The following NRF1 variants were observed in gnomAD, a reference collection of about 807,000 sequenced individuals.
NRF1 encodes the protein nuclear respiratory factor 1, also known as alpha palindromic-binding protein.
NRF1 carries 5 observed loss-of-function variants against 58.5 expected under a neutral mutation model. The observed-to-expected ratio is 0.09, with a 90% CI of 0.04 to 0.18. NRF1 has a LOEUF of 0.18. Ranked by LOEUF, NRF1 falls within the 10% of genes least tolerant of loss-of-function variation. The probability of loss-of-function intolerance (pLI) is 1.00; values close to 1 mark genes in which losing one functional copy is unlikely to be tolerated. For synonymous variants in NRF1, 224 were observed against 246.7 expected, an observed-to-expected ratio of 0.91 and a Z score of 0.86; for missense variants, 288 against 657.7, an observed-to-expected ratio of 0.44 and a Z score of 6.15.
chr7:129,718,090 G>C (rs1007310489), intron 9 of NRF1, among the ~76,000 whole-genome samples: 6 of 152,142 alleles, frequency 3.9e-5, no homozygotes, highest in African/African-American at 9.7e-5. Context: ...TGCTCCAAGA[G>C]GTGGTTTCTG....
At chr7:129,737,278 A>T (rs116791821) in intron 10 of NRF1, among the ~76,000 whole-genome samples, 3 of 152,232 alleles carry the variant, frequency 2.0e-5, no homozygotes, top group Non-Finnish European at 4.4e-5. Flanking sequence ...ACAAGGTGAC[A>T]TTGTTTAAAG....
At chr7:129,685,185 A>G (rs1003672927) in intron 4 of NRF1, among the ~76,000 whole-genome samples, 2 of 152,216 alleles carry the variant, frequency 1.3e-5, no homozygotes, top group African/African-American at 4.8e-5. Context: ...TCAGGAATAC[A>G]AAAAAATTAT....
rs10580617 is a variant in NRF1 at position 129,755,546 on chromosome 7, CAT to C, written c.*382_*383del. On this transcript the variant is annotated 3_prime_UTR_variant, in exon 11 of 11. Coordinates refer to ENST00000393232, the MANE Select transcript of NRF1 (RefSeq NM_005011.5). This position sits in a 1 kb window ranked among gnomAD's most constrained non-coding sequence, Gnocchi z 5.8. ...TACATATATATAAAGTATATATATA[CAT>C]ATATATATATATATATGTATGAAAC... 73,299 of 147,758 alleles carry C rather than the reference CAT, an allele frequency of 0.5. 18,134 individuals carry two copies. The highest frequency in any genetic ancestry group is 0.55 in the Admixed American group (8,058 of 14,742). 9.2% of individuals were successfully genotyped at this position (147,758 alleles called of 1,614,324 possible). A position where few individuals can be genotyped will look rare whatever the true frequency, so the allele number is the denominator to read the frequency against.
At chr7:129,713,465 T>C (rs1803122497) in intron 8 of NRF1, among the ~76,000 whole-genome samples, 1 of 152,242 alleles carries the variant, frequency 6.6e-6, no homozygotes, top group Admixed American at 6.5e-5. Flanking sequence ...CAGTTTTGAA[T>C]TGCATAACTC....
At chr7:129,678,042 A>G (rs899201703) in intron 4 of NRF1, among the ~76,000 whole-genome samples, 4 of 152,208 alleles carry the variant, frequency 2.6e-5, no homozygotes, top group East Asian at 3.8e-4. Flanking sequence ...TAGGAAACCA[A>G]TGCAGGATTT....
chr7:129,738,571 C>T (rs759574991), intron 10 of NRF1, among the ~76,000 whole-genome samples: 5 of 152,152 alleles, frequency 3.3e-5, no homozygotes, highest in Non-Finnish European at 5.9e-5. Context: ...TGTAATTTTG[C>T]CTTTTGGCTA....
intron 1 of NRF1, among the ~76,000 whole-genome samples, chr7:129,625,295 C>CT (rs1168714750): frequency 6.6e-6 from 1 of 152,142 alleles, no homozygotes; most frequent in East Asian, 1.9e-4. Flanking sequence ...AGTTACATCT[C>CT]TAAGGACGCT....
intron 1 of NRF1, among the ~76,000 whole-genome samples, chr7:129,614,443 T>TGTGTGTGTGTG (rs71527915): frequency 3.4e-5 from 5 of 145,746 alleles, no homozygotes; most frequent in African/African-American, 5.2e-5. Flanking sequence ...AAATATGTAT[T>TGTGTGTGTGTG]TGTGTGTGTG....
intron 1 of NRF1, among the ~76,000 whole-genome samples, chr7:129,649,640 C>T (rs1473165334): frequency 1.3e-5 from 2 of 152,162 alleles, no homozygotes; most frequent in African/African-American, 4.8e-5. Context: ...TCTGTGTTTT[C>T]TTCCACTAAC....
chr7:129,679,346 G>A (rs997832885), intron 4 of NRF1, among the ~76,000 whole-genome samples: 2 of 152,180 alleles, frequency 1.3e-5, no homozygotes, highest in African/African-American at 2.4e-5. Context: ...ACAACATGCA[G>A]AGTGGGAGAA....
chr7:129,717,189 T>C, intron 8 of NRF1, 30 bp from the exon 9 acceptor site: 2 of 1,552,586 alleles, frequency 1.3e-6, no homozygotes, highest in Non-Finnish European at 1.7e-6. Flanking sequence ...GTGGCTTTGT[T>C]TTTTTACTAT....
At chr7:129,733,081 G>C (rs539714594) in intron 10 of NRF1, among the ~76,000 whole-genome samples, 12 of 147,740 alleles carry the variant, frequency 8.1e-5, no homozygotes, top group South Asian at 4.3e-4. Flanking sequence ...ACAAACAAAA[G>C]GTTCATCTTT....
At chr7:129,649,994 C>T (rs560751850) in intron 1 of NRF1, among the ~76,000 whole-genome samples, 3 of 152,222 alleles carry the variant, frequency 2.0e-5, no homozygotes. Flanking sequence ...CATAAGCAAT[C>T]CTCCCACCTT....
At chr7:129,672,590 A>G (rs1802072777) in intron 3 of NRF1, among the ~76,000 whole-genome samples, 1 of 152,182 alleles carries the variant, frequency 6.6e-6, no homozygotes, top group Non-Finnish European at 1.5e-5. Flanking sequence ...CATGGATAGT[A>G]AGAAGTGATC....
chr7:129,618,750 G>A (rs1376728530), intron 1 of NRF1, among the ~76,000 whole-genome samples: 2 of 152,072 alleles, frequency 1.3e-5, no homozygotes, highest in African/African-American at 2.4e-5. Context: ...AAATGCTTAG[G>A]ACCAGAAATG....
chr7:129,696,557 A>G (rs931204410), intron 5 of NRF1, among the ~76,000 whole-genome samples: 3 of 152,242 alleles, frequency 2.0e-5, no homozygotes, highest in African/African-American at 7.2e-5. Flanking sequence ...CATTAATTCT[A>G]GATTTCAGAA....
chr7:129,705,940 T>TGAGA lies in NRF1; in HGVS notation c.607-3118_607-3115dup, dbSNP rs34931265. 6.1e-4 allele frequency among the ~76,000 whole-genome samples: 88 copies of TGAGA among 145,340 alleles called. 2 individuals are homozygous for TGAGA. The East Asian group carries it at 0.011, about 18-fold the overall frequency. ...TGGGCCACAGAGCAAGATCCGAGAG[T>TGAGA]GAGAGAGAGAGAGAGAGAGAATGAA... On this transcript the variant is annotated intron_variant, in intron 5 of 10. Coordinates refer to ENST00000393232, the MANE Select transcript of NRF1 (RefSeq NM_005011.5).
intron 4 of NRF1, among the ~76,000 whole-genome samples, chr7:129,687,734 G>C (rs1394300018): frequency 6.6e-6 from 1 of 152,242 alleles, no homozygotes; most frequent in Non-Finnish European, 1.5e-5. Context: ...GCTATGCCCT[G>C]TTGTTGCCTT....
chr7:129,636,610 T>G (rs532158816), intron 1 of NRF1, among the ~76,000 whole-genome samples: 1 of 152,336 alleles, frequency 6.6e-6, no homozygotes, highest in South Asian at 2.1e-4. Context: ...AACATTTATC[T>G]TGTTAGATTA....
Sources: gnomAD v4.1 joint callset for allele counts (sites outside exome capture counted in the v4.1 genomes callset) on GRCh38, gnomAD v4.1.1 for gene constraint, Gnocchi (gnomAD v3.1) non-coding constraint, MANE v1.5 for transcripts, NCBI Gene and HGNC (gene_info 2026-07-23, HGNC 2026-07-21) for gene names.